DNER: variants seen among roughly 807,000 people sequenced by gnomAD.
DNER encodes the protein delta/notch like EGF repeat containing.
Under a neutral mutation model 78.2 loss-of-function variants are expected in DNER, and 33 were observed. The ratio of observed to expected loss-of-function variants is 0.42; its 90% confidence interval spans 0.32 to 0.56. The LOEUF (loss-of-function observed/expected upper bound fraction) is 0.56, where lower values mean the gene tolerates loss of function less well. DNER is among the 20% of genes least tolerant of loss of function. DNER has a pLI of 0.11. For synonymous variants in DNER, 417 were observed against 384.8 expected (o/e 1.08, Z -0.98); for missense variants, 918 against 975.3 (o/e 0.94, Z 0.78).
intron 1 of DNER, among the ~76,000 whole-genome samples, chr2:229,621,315 G>C (rs1285862796): frequency 6.6e-6 from 1 of 152,164 alleles, no homozygotes; most frequent in East Asian, 1.9e-4. Flanking sequence ...GCACAGCGTT[G>C]AAAATTGTAT....
chr2:229,683,842 G>GGGGGCTA (rs1451554167), intron 1 of DNER, among the ~76,000 whole-genome samples: 1 of 152,164 alleles, frequency 6.6e-6, no homozygotes, highest in African/African-American at 2.4e-5. Context: ...GCTGGGGGCT[G>GGGGGCTA]GGGGCTAGGG....
At chr2:229,441,716 A>C (rs992716974) in intron 8 of DNER, among the ~76,000 whole-genome samples, 1 of 152,148 alleles carries the variant, frequency 6.6e-6, no homozygotes, top group African/African-American at 2.4e-5. Context: ...TATTGGACAA[A>C]ATTATAAAGT....
chr2:229,476,021 T>C (rs1363009163), intron 7 of DNER, among the ~76,000 whole-genome samples: 1 of 152,170 alleles, frequency 6.6e-6, no homozygotes, highest in Non-Finnish European at 1.5e-5. Flanking sequence ...AGTTTTCGCA[T>C]TTGTTTAAGG....
At chr2:229,616,769 T>C (rs1035923210) in intron 1 of DNER, among the ~76,000 whole-genome samples, 1 of 152,216 alleles carries the variant, frequency 6.6e-6, no homozygotes, top group Non-Finnish European at 1.5e-5. Flanking sequence ...CCTGGGGTGA[T>C]GCCAGGACCA....
intron 8 of DNER, among the ~76,000 whole-genome samples, chr2:229,420,397 T>C (rs1473412076): frequency 6.6e-6 from 1 of 152,238 alleles, no homozygotes; most frequent in East Asian, 1.9e-4. Context: ...CTGTTGATTG[T>C]TCCTTTGTTA....
At chr2:229,654,533 A>G (rs749987777) in intron 1 of DNER, among the ~76,000 whole-genome samples, 8 of 152,188 alleles carry the variant, frequency 5.3e-5, no homozygotes, top group Non-Finnish European at 1.2e-4. Context: ...AAAAATAGTA[A>G]TGTTTGAAAT....
chr2:229,700,502 AT>A (rs1699729573), intron 1 of DNER, among the ~76,000 whole-genome samples: 1 of 151,926 alleles, frequency 6.6e-6, no homozygotes, highest in South Asian at 2.1e-4. Context: ...CACTCAGCTA[AT>A]TTTTTGTGAC....
chr2:229,496,804 A>T (rs1192591793), intron 6 of DNER, among the ~76,000 whole-genome samples: 1 of 152,232 alleles, frequency 6.6e-6, no homozygotes, highest in Non-Finnish European at 1.5e-5. Flanking sequence ...TACATACATA[A>T]GGCAAATATT....
Position 229,586,064 on chromosome 2 carries a change from A to G in DNER, c.681-40T>C, listed in dbSNP as rs781243341. The G allele has an allele frequency of 6.4e-6, 10 of 1,565,944 alleles. No individual in the cohort carries two copies. In the African/African-American group the frequency reaches 8.3e-5, roughly 13 times the overall value. On this transcript the variant is annotated intron_variant, in intron 3 of 12. Transcript: ENST00000341772. ...GATGTAAACAGAAAGCTCCTTTCAG[A>G]AAAATTCATCTTAGAACCAGTTCTT...
rs116243593 is a variant in DNER at position 229,482,338 on chromosome 2, G to A, written c.1148-5085C>T. Among the ~76,000 whole-genome samples, 773 of 152,188 alleles carry A rather than the reference G, an allele frequency of 5.1e-3. 2 individuals carry two copies. Among genetic ancestry groups the A allele is most frequent in the Non-Finnish European group, 7.9e-3 (534 of 68,022 alleles). On this transcript the variant is annotated intron_variant, in intron 6 of 12. Coordinates refer to ENST00000341772, the MANE Select transcript of DNER (RefSeq NM_139072.4). ...TTCTTTCAATCCATTCTCCACATAC[G>A]AATAGCCAAAGAGATCCTTTTAAGA...
intron 9 of DNER, among the ~76,000 whole-genome samples, chr2:229,411,295 G>A (rs555884541): frequency 6.6e-6 from 1 of 152,240 alleles, no homozygotes; most frequent in East Asian, 1.9e-4. Context: ...AGTAGCTCAC[G>A]CCGGTAATCC....
chr2:229,647,044 G>T (rs1047678886), intron 1 of DNER, among the ~76,000 whole-genome samples: 41 of 152,178 alleles, frequency 2.7e-4, no homozygotes, highest in African/African-American at 9.6e-4. Flanking sequence ...GCACACGCCC[G>T]TAGTCCCAGC....
At chr2:229,593,083 A>T (rs1441415000) in intron 1 of DNER, among the ~76,000 whole-genome samples, 5 of 152,242 alleles carry the variant, frequency 3.3e-5, no homozygotes, top group Non-Finnish European at 7.3e-5. Context: ...TCACTTGGCA[A>T]TTCCCTCACA....
chr2:229,543,018 T>C (rs775142182), intron 5 of DNER, among the ~76,000 whole-genome samples: 5 of 152,012 alleles, frequency 3.3e-5, no homozygotes, highest in Non-Finnish European at 7.4e-5. Flanking sequence ...ACAGAATCAA[T>C]GACAGCCGAG....
intron 6 of DNER, among the ~76,000 whole-genome samples, chr2:229,479,198 A>C (rs952234273): frequency 6.6e-6 from 1 of 152,138 alleles, no homozygotes; most frequent in Non-Finnish European, 1.5e-5. Context: ...CCATTTAACA[A>C]ATGAGGAAAC....
At chr2:229,500,975 G>C (rs1293042060) in intron 6 of DNER, among the ~76,000 whole-genome samples, 5 of 152,198 alleles carry the variant, frequency 3.3e-5, no homozygotes, top group East Asian at 3.9e-4. Flanking sequence ...AGAAAATTGT[G>C]TCATCTACAA....
At chr2:229,408,423 C>G (rs889301641) in intron 9 of DNER, among the ~76,000 whole-genome samples, 6 of 152,100 alleles carry the variant, frequency 3.9e-5, no homozygotes, top group African/African-American at 1.4e-4. Context: ...TCCTGCCCCT[C>G]CTCCCTCTCT....
chr2:229,635,949 T>C (rs908179146), intron 1 of DNER, among the ~76,000 whole-genome samples: 1 of 151,590 alleles, frequency 6.6e-6, no homozygotes, highest in Admixed American at 6.6e-5. Flanking sequence ...TTATATATAT[T>C]TTTTATATTG....
intron 1 of DNER, among the ~76,000 whole-genome samples, chr2:229,668,117 T>C (rs1448594040): frequency 6.6e-6 from 1 of 152,134 alleles, no homozygotes; most frequent in Non-Finnish European, 1.5e-5. Flanking sequence ...GAGATCACAC[T>C]GTCATGACTG....
Sources: allele counts gnomAD v4.1 joint callset (sites outside exome capture counted in the v4.1 genomes callset), GRCh38; gene constraint gnomAD v4.1.1; transcripts MANE v1.5; gene names NCBI Gene and HGNC (gene_info 2026-07-23, HGNC 2026-07-21).